Variants in MID1 observed in about 807,000 individuals in gnomAD.
The protein encoded by MID1 is E3 ubiquitin-protein ligase Midline-1.
MID1 carries 7 observed loss-of-function variants against 40.4 expected under a neutral mutation model. The observed-to-expected ratio is 0.17, with a 90% confidence interval of 0.10 to 0.33. The LOEUF is 0.33. Among genes scored for constraint, MID1 ranks in the 10% least tolerant of loss-of-function variants. The pLI is 1.00. For synonymous variants in MID1, 229 were observed against 221.2 expected, an observed-to-expected ratio of 1.04 and a Z score of -0.31; for missense variants, 367 against 558.5, an observed-to-expected ratio of 0.66 and a Z score of 3.46.
intron 1 of MID1, among the ~76,000 whole-genome samples, chrX:10,660,769 A>T (rs1053738963): frequency 2.7e-5 from 3 of 111,276 alleles, no homozygotes; most frequent in African/African-American, 9.8e-5. Context: ...GTTTTTAATT[A>T]TTTTCCACAG....
chrX:10,654,956 A>T (rs908908546), intron 1 of MID1, among the ~76,000 whole-genome samples: 22 of 112,229 alleles, frequency 2.0e-4, no homozygotes, highest in Admixed American at 5.7e-4. Context: ...CTGACAAAAA[A>T]CTCTGCCTTT....
In MID1 at chrX:10,487,982, C is replaced by CTTT. The variant is rs953085669; in HGVS notation, c.865-5357_865-5355dup. ...TTAACATGAAATTTCACCTACAAGTCTTTTTTTTTTTTTTTTTTGGATAGG... is the reference window on the plus strand; with the variant it reads ...TTAACATGAAATTTCACCTACAAGTCTTTTTTTTTTTTTTTTTTTTTGGATAGG... On this transcript the variant is annotated intron_variant, in intron 4 of 9. Coordinates refer to ENST00000317552, the MANE Select transcript of MID1 (RefSeq NM_000381.4). Among the ~76,000 whole-genome samples, 219 of 87,931 alleles carry CTTT rather than the reference C, an allele frequency of 2.5e-3. 2 individuals are homozygous for CTTT. The highest frequency in any genetic ancestry group is 8.7e-3 in the African/African-American group (207 of 23,805). 76.4% of individuals were successfully genotyped at this position (87,931 alleles called of 115,157 possible). A position where few individuals can be genotyped will look rare whatever the true frequency, so the allele number is the denominator to read the frequency against.
intron 1 of MID1, among the ~76,000 whole-genome samples, chrX:10,583,994 G>T (rs1388255157): frequency 9.2e-6 from 1 of 108,734 alleles, no homozygotes; most frequent in Non-Finnish European, 1.9e-5. Flanking sequence ...TCACACCACT[G>T]CACTCCAGCC....
intron 2 of MID1, among the ~76,000 whole-genome samples, chrX:10,552,271 T>G (rs1933942913): frequency 9.0e-6 from 1 of 110,802 alleles, no homozygotes; most frequent in East Asian, 2.8e-4. Flanking sequence ...TTAAGAATAA[T>G]CAAGAGTTGG....
At chrX:10,828,363 A>G (rs1024087590) in intron 1 of MID1, among the ~76,000 whole-genome samples, 3 of 111,543 alleles carry the variant, frequency 2.7e-5, no homozygotes, top group African/African-American at 6.5e-5. Flanking sequence ...GGGGAATTAG[A>G]GAAAGAGACT....
intron 1 of MID1, among the ~76,000 whole-genome samples, chrX:10,804,274 T>G (rs2147147309): frequency 8.9e-6 from 1 of 112,763 alleles, no homozygotes; most frequent in Non-Finnish European, 1.9e-5. Flanking sequence ...CATATCTGAA[T>G]CTGGTTCTAA....
chrX:10,704,710 GTGTGTGTA>G (rs2043214025), intron 1 of MID1, among the ~76,000 whole-genome samples: 1 of 64,113 alleles, frequency 1.6e-5, no homozygotes, highest in Non-Finnish European at 2.6e-5. Flanking sequence ...ATGCATGTGT[GTGTGTGTA>G]TATATATATA....
At chrX:10,766,739 G>A (rs780171687) in intron 1 of MID1, among the ~76,000 whole-genome samples, 3 of 109,416 alleles carry the variant, frequency 2.7e-5, no homozygotes, top group Non-Finnish European at 5.7e-5. Context: ...GGGCAACAAG[G>A]TGAAACCTCG....
At chrX:10,761,823 C>G (rs73484910) in intron 1 of MID1, among the ~76,000 whole-genome samples, 10 of 111,881 alleles carry the variant, frequency 8.9e-5, no homozygotes, top group Admixed American at 9.5e-5. Flanking sequence ...GTAACTGATA[C>G]AGCATTAAGT....
chrX:10,832,958 CAT>C (rs1491360786), intron 1 of MID1, among the ~76,000 whole-genome samples: 1 of 112,687 alleles, frequency 8.9e-6, no homozygotes, highest in African/African-American at 3.2e-5. Flanking sequence ...TATAAATAGA[CAT>C]ACGCTCCTTG....
intron 1 of MID1, among the ~76,000 whole-genome samples, chrX:10,639,046 A>G (rs1936155830): frequency 2.7e-5 from 3 of 112,293 alleles, no homozygotes; most frequent in Non-Finnish European, 5.6e-5. Context: ...AAAACCACAA[A>G]GATGGGGAGA....
At chrX:10,589,056 C>G (rs1032936988) in intron 1 of MID1, among the ~76,000 whole-genome samples, 2 of 111,458 alleles carry the variant, frequency 1.8e-5, no homozygotes, top group Non-Finnish European at 3.8e-5. Context: ...ATGCTCACAC[C>G]ACACGCACAC....
At chrX:10,751,829 A>G (rs890965284) in intron 1 of MID1, among the ~76,000 whole-genome samples, 9 of 111,990 alleles carry the variant, frequency 8.0e-5, no homozygotes, top group African/African-American at 2.9e-4. Context: ...GTGACCCCCA[A>G]TATTGGAGGA....
At chrX:10,590,027 T>G (rs7054349) in intron 1 of MID1, 1 of 110,615 alleles carries the variant, frequency 9.0e-6, no homozygotes, top group African/African-American at 3.3e-5. Context: ...GTAAGAGGGT[T>G]GTGATCGATT....
At chrX:10,677,068 C>A (rs919753745) in intron 1 of MID1, among the ~76,000 whole-genome samples, 1 of 111,737 alleles carries the variant, frequency 8.9e-6, no homozygotes, top group Non-Finnish European at 1.9e-5. Context: ...GAGCCCTTGA[C>A]AATTTATAGC....
intron 3 of MID1, among the ~76,000 whole-genome samples, chrX:10,518,703 T>A (rs183283851): frequency 5.2e-4 from 58 of 112,257 alleles, no homozygotes; most frequent in Non-Finnish European, 5.1e-4. Context: ...AGTATCATTA[T>A]TTTTGTACTC....
chrX:10,719,526 C>T (rs2043332851), intron 1 of MID1, among the ~76,000 whole-genome samples: 1 of 111,221 alleles, frequency 9.0e-6, no homozygotes, highest in South Asian at 3.8e-4. Context: ...AACTACAAAC[C>T]ACTGCTCAAT....
At chrX:10,740,046 A>G (rs1206236467) in intron 1 of MID1, among the ~76,000 whole-genome samples, 1 of 113,031 alleles carries the variant, frequency 8.8e-6, no homozygotes, top group Middle Eastern at 4.6e-3. Context: ...ATGTTTATAC[A>G]ACTGCTTATA....
intron 1 of MID1, among the ~76,000 whole-genome samples, chrX:10,609,961 G>T (rs935853267): frequency 2.9e-4 from 32 of 111,038 alleles, no homozygotes; most frequent in African/African-American, 1.0e-3. Context: ...CTCGTGATCC[G>T]CCCGCCTCGG....
Sources: gnomAD v4.1 joint callset for allele counts (sites outside exome capture counted in the v4.1 genomes callset) on GRCh38, gnomAD v4.1.1 for gene constraint, MANE v1.5 for transcripts, NCBI Gene and HGNC (gene_info 2026-07-23, HGNC 2026-07-21) for gene names.